The following RGS6 variants were observed in gnomAD, a reference collection of about 807,000 sequenced individuals.
RGS6 encodes the protein regulator of G protein signaling 6.
Under a neutral mutation model 78.5 loss-of-function variants are expected in RGS6, and 30 were observed. The ratio of observed to expected loss-of-function variants is 0.38; its 90% CI spans 0.29 to 0.52. The LOEUF is 0.52. Among genes scored for constraint, RGS6 ranks in the 20% least tolerant of loss-of-function variants. The probability of loss-of-function intolerance (pLI) is 0.85; values close to 1 mark genes in which losing one functional copy is unlikely to be tolerated. For synonymous variants in RGS6, 206 were observed against 206.0 expected (o/e 1.00, Z 0.00); for missense variants, 495 against 609.7 (o/e 0.81, Z 1.98).
At chr14:72,259,295 T>C (rs1208759620) in intron 2 of RGS6, among the ~76,000 whole-genome samples, 3 of 152,244 alleles carry the variant, frequency 2.0e-5, no homozygotes, top group African/African-American at 7.2e-5. Context: ...TATATCAAAA[T>C]TAATTGGCAC....
chr14:72,310,238 CAGAG>C (rs1301991654), intron 2 of RGS6, among the ~76,000 whole-genome samples: 2 of 152,224 alleles, frequency 1.3e-5, no homozygotes, highest in Non-Finnish European at 2.9e-5. Flanking sequence ...TCCTGGCTGT[CAGAG>C]AGGATGCCTG....
chr14:72,627,273 C>T, the RGS6 span, among the ~76,000 whole-genome samples: 13 of 151,994 alleles, frequency 8.6e-5, no homozygotes, highest in African/African-American at 2.2e-4. Flanking sequence ...CTAGTACTAG[C>T]GTGGTTTTAC....
chr14:72,194,254 T>C (rs1383686854), intron 2 of RGS6, among the ~76,000 whole-genome samples: 1 of 152,246 alleles, frequency 6.6e-6, no homozygotes, highest in Non-Finnish European at 1.5e-5. Flanking sequence ...ATTCATTCAT[T>C]GACACATACT....
At chr14:72,494,544 C>G (rs939698421) in intron 12 of RGS6, among the ~76,000 whole-genome samples, 3 of 152,006 alleles carry the variant, frequency 2.0e-5, no homozygotes, top group Non-Finnish European at 2.9e-5. Flanking sequence ...ATTATTCTAA[C>G]TATTCACATA....
intron 13 of RGS6, among the ~76,000 whole-genome samples, chr14:72,504,478 A>G (rs1467471198): frequency 6.6e-6 from 1 of 152,232 alleles, no homozygotes; most frequent in African/African-American, 2.4e-5. Context: ...ATTCTTTGCC[A>G]CTTTATAACA....
chr14:72,615,495 T>C, the RGS6 span, among the ~76,000 whole-genome samples: 1 of 152,224 alleles, frequency 6.6e-6, no homozygotes, highest in African/African-American at 2.4e-5. Flanking sequence ...ACCAGGAGTG[T>C]GCAACCCTCC....
At chr14:72,503,763 T>A (rs1334222481) in intron 13 of RGS6, among the ~76,000 whole-genome samples, 3 of 152,186 alleles carry the variant, frequency 2.0e-5, no homozygotes, top group Non-Finnish European at 4.4e-5. Context: ...GCTGGAGTCA[T>A]ACACCCATGG....
chr14:72,296,540 T>C (rs1201717249), intron 2 of RGS6, among the ~76,000 whole-genome samples: 1 of 152,224 alleles, frequency 6.6e-6, no homozygotes, highest in Admixed American at 6.5e-5. Flanking sequence ...GGTGTGTTTC[T>C]CATGTAGTTT....
At chr14:72,435,706 C>G (rs2094873085) in intron 3 of RGS6, among the ~76,000 whole-genome samples, 1 of 152,032 alleles carries the variant, frequency 6.6e-6, no homozygotes, top group Non-Finnish European at 1.5e-5. Context: ...AAGCCAGCAG[C>G]TCTCTGGCAT....
chr14:72,355,845 C>T (rs2080149890), intron 3 of RGS6, among the ~76,000 whole-genome samples: 1 of 152,066 alleles, frequency 6.6e-6, no homozygotes, highest in African/African-American at 2.4e-5. Context: ...GCCAGACAGC[C>T]AGAGCTCAGT....
At chr14:72,553,225 G>C (rs1599076308) in intron 17 of RGS6, 1 of 152,616 alleles carries the variant, frequency 6.6e-6, no homozygotes, top group African/African-American at 2.4e-5. Flanking sequence ...TAAAGCCACA[G>C]GTCTTCACAG....
intron 2 of RGS6, among the ~76,000 whole-genome samples, chr14:72,035,438 T>C (rs1330370274): frequency 6.6e-6 from 1 of 152,178 alleles, no homozygotes. Context: ...TTTTGTTGTT[T>C]TTTTCTATTA....
At chr14:72,531,815 A>G (rs2097186587) in intron 15 of RGS6, among the ~76,000 whole-genome samples, 2 of 152,236 alleles carry the variant, frequency 1.3e-5, no homozygotes, top group Non-Finnish European at 1.5e-5. Flanking sequence ...AACACTTAAA[A>G]TCTACTCTCA....
At chr14:72,491,015 T>C (rs1435792828) in intron 12 of RGS6, among the ~76,000 whole-genome samples, 1 of 152,332 alleles carries the variant, frequency 6.6e-6, no homozygotes, top group East Asian at 1.9e-4. Context: ...AGCTGGTTTA[T>C]GGATCACACT....
intron 2 of RGS6, among the ~76,000 whole-genome samples, chr14:72,225,622 C>T (rs2047947681): frequency 6.6e-6 from 1 of 152,140 alleles, no homozygotes; most frequent in African/African-American, 2.4e-5. Flanking sequence ...AGCCACCACG[C>T]CCAGCCAAAA....
intron 2 of RGS6, among the ~76,000 whole-genome samples, chr14:72,335,735 T>C (rs970035049): frequency 2.0e-5 from 3 of 152,230 alleles, no homozygotes; most frequent in African/African-American, 7.2e-5. Context: ...TGACAGCTGA[T>C]GAGCTTAATG....
rs1220608258 is a variant in RGS6 at position 72,352,096 on chromosome 14, T to C, written c.86T>C (p.Ile29Thr). 1 of 1,609,406 alleles carries C rather than the reference T, an allele frequency of 6.2e-7. No homozygotes were observed. The highest frequency in any genetic ancestry group is 1.7e-5 in the Admixed American group (1 of 59,432). ...CTTCTTTTCTTTAACCTCTTTCAGA[T>C]TGAAGACATCATTACAAAGATGCAA... The part of the protein sequence containing the change: ...SSPNMIVYCK[I>T]EDIITKMQDD... The change falls in exon 3 of 18, where the codon ATT (isoleucine) becomes ACT (threonine). Residue 29 changes from isoleucine to threonine, a missense_variant and splice_region_variant. By Grantham distance (89) the Ile-to-Thr change is moderately conservative (BLOSUM62 -1). Coordinates refer to ENST00000553525, the MANE Select transcript of RGS6 (RefSeq NM_001204424.2).
intron 2 of RGS6, among the ~76,000 whole-genome samples, chr14:72,270,308 A>C (rs1296260684): frequency 6.6e-6 from 1 of 152,238 alleles, no homozygotes; most frequent in Non-Finnish European, 1.5e-5. Context: ...ATGAGACTGG[A>C]TGACAGTCAG....
At chr14:72,548,089 A>G (rs978342600) in intron 17 of RGS6, among the ~76,000 whole-genome samples, 1 of 152,028 alleles carries the variant, frequency 6.6e-6, no homozygotes, top group African/African-American at 2.4e-5. Context: ...GAGAGGGTGT[A>G]TTAATCCGTC....
Sources: allele counts gnomAD v4.1 joint callset (sites outside exome capture counted in the v4.1 genomes callset), GRCh38; gene constraint gnomAD v4.1.1; transcripts MANE v1.5; gene names NCBI Gene and HGNC (gene_info 2026-07-23, HGNC 2026-07-21).